Variants in GET1 observed in about 807,000 individuals in gnomAD.
The protein encoded by GET1 is guided entry of tail-anchored proteins factor 1.
Under a neutral mutation model 22.6 loss-of-function variants are expected in GET1, and 20 were observed. The observed-to-expected ratio is 0.89, with a 90% CI of 0.62 to 1.29. The LOEUF (loss-of-function observed/expected upper bound fraction) is 1.29, where lower values mean the gene tolerates loss of function less well. GET1 is among the 50% of genes most tolerant of loss of function. The pLI is 0.00. For synonymous variants in GET1, 92 were observed against 83.8 expected (o/e 1.10, Z -0.53); for missense variants, 209 against 219.9 (o/e 0.95, Z 0.31).
At chr21:39,410,454 T>C, downstream of GET1, 2 of 690,528 alleles carry the variant, frequency 2.9e-6, no homozygotes, top group East Asian at 2.8e-5. Context: ...TTTTATGCAA[T>C]GTAATAATAA....
downstream of GET1, chr21:39,406,693 C>T (rs199499915): frequency 2.4e-5 from 25 of 1,044,908 alleles, no homozygotes; most frequent in Admixed American, 1.9e-4. Flanking sequence ...AGTACACTTA[C>T]GTGCACCGCC....
intron 4 of GET1, among the ~76,000 whole-genome samples, chr21:39,396,233 T>C (rs1420349825): frequency 6.6e-6 from 1 of 152,098 alleles, no homozygotes; most frequent in Non-Finnish European, 1.5e-5. Context: ...GTGTCTGTAC[T>C]AAAAATACAA....
At chr21:39,428,148 T>C in intron 1 of GET1, 1 of 1,429,946 alleles carries the variant, frequency 7.0e-7, no homozygotes, top group Admixed American at 2.1e-5. Flanking sequence ...AATTTGGTCT[T>C]GCTTGGGAAA....
chr21:39,407,239 CAAAACAGAACAGA>C (rs2039225732), downstream of GET1, among the ~76,000 whole-genome samples: 1 of 152,004 alleles, frequency 6.6e-6, no homozygotes, highest in East Asian at 1.9e-4. Flanking sequence ...CAAAACAAAA[CAAAACAGAACAGA>C]AGAACAGAAC....
intron 4 of GET1, among the ~76,000 whole-genome samples, chr21:39,395,536 G>A (rs1419934819): frequency 6.6e-6 from 1 of 152,022 alleles, no homozygotes; most frequent in Admixed American, 6.5e-5. Flanking sequence ...ACTAGTTTTT[G>A]TAGTTTTAGT....
intron 4 of GET1, chr21:39,405,875 ATTATAT>A: frequency 6.5e-7 from 1 of 1,546,662 alleles, no homozygotes; most frequent in Middle Eastern, 1.9e-4. Flanking sequence ...TAGGATATTG[ATTATAT>A]TTAAATAATT....
intron 1 of GET1, among the ~76,000 whole-genome samples, chr21:39,426,354 A>G (rs1241047783): frequency 6.6e-6 from 1 of 152,170 alleles, no homozygotes; most frequent in African/African-American, 2.4e-5. Context: ...TCGAAATGCA[A>G]TTTCTCTCTT....
At chr21:39,420,351 G>A (rs1340190099) in intron 1 of GET1, among the ~76,000 whole-genome samples, 8 of 151,896 alleles carry the variant, frequency 5.3e-5, no homozygotes, top group Non-Finnish European at 1.0e-4. Flanking sequence ...GCAAAAGCCC[G>A]TCTCTACTAA....
intron 1 of GET1, among the ~76,000 whole-genome samples, chr21:39,390,348 G>A (rs2038216381): frequency 1.3e-5 from 2 of 152,168 alleles, no homozygotes; most frequent in African/African-American, 4.8e-5. Flanking sequence ...CAAGAGCTGC[G>A]GCAGTCCCGG....
At chr21:39,419,253 G>A (rs1333142235) in intron 1 of GET1, among the ~76,000 whole-genome samples, 1 of 152,090 alleles carries the variant, frequency 6.6e-6, no homozygotes, top group Non-Finnish European at 1.5e-5. Flanking sequence ...GGCTGGGTGT[G>A]GTGGCTCACA....
intron 1 of GET1, chr21:39,420,861 T>C: frequency 6.3e-7 from 1 of 1,581,406 alleles, no homozygotes; most frequent in East Asian, 2.3e-5. Flanking sequence ...CAGTATATAT[T>C]ATAACTATTC....
rs564115551 is a variant in GET1, at chr21:39,380,767, A to G, written c.102+281A>G. On this transcript the variant is annotated intron_variant, in intron 1 of 4. Coordinates refer to ENST00000649170, the MANE Select transcript of GET1 (RefSeq NM_004627.6). The stretch of plus-strand genomic sequence containing the variant: ...GGCGAACCTCACACTGGGAGTTCCT[A>G]GTGCCCCGCTGTCAGCCTCGTTTCC... The G allele has an allele frequency of 2.1e-5, 24 of 1,139,932 alleles. No homozygotes were observed. The African/African-American group carries it at 3.5e-4, about 17-fold the overall frequency. 70.6% of individuals were successfully genotyped at this position (1,139,932 alleles called of 1,614,324 possible). A position where few individuals can be genotyped will look rare whatever the true frequency, so the allele number is the denominator to read the frequency against.
At chr21:39,381,740 C>A (rs1024084746) in intron 1 of GET1, among the ~76,000 whole-genome samples, 7 of 152,086 alleles carry the variant, frequency 4.6e-5, no homozygotes, top group African/African-American at 1.7e-4. Context: ...TTTGTGCAAC[C>A]ATTATCCCAG....
intron 4 of GET1, among the ~76,000 whole-genome samples, chr21:39,404,587 T>TA (rs2038942691): frequency 6.6e-6 from 1 of 151,760 alleles, no homozygotes. Context: ...TAGTCTCTAA[T>TA]AAAAATAGAA....
At chr21:39,427,859 A>G in intron 1 of GET1, 1 of 177,044 alleles carries the variant, frequency 5.6e-6, no homozygotes, top group Non-Finnish European at 1.2e-5. Context: ...GCAAGAAGCC[A>G]GTGAAATCCA....
intron 3 of GET1, chr21:39,392,895 A>G: frequency 2.6e-6 from 1 of 387,820 alleles, no homozygotes; most frequent in South Asian, 4.6e-5. Flanking sequence ...GTGAAATGCC[A>G]GTTCACATAG....
intron 1 of GET1, chr21:39,387,933 CT>C: frequency 2.5e-6 from 2 of 813,236 alleles, no homozygotes; most frequent in Non-Finnish European, 3.0e-6. Context: ...AACATTTCGT[CT>C]TTATTAATCT....
At chr21:39,417,262 A>T (rs2041368210) in intron 1 of GET1, among the ~76,000 whole-genome samples, 1 of 150,928 alleles carries the variant, frequency 6.6e-6, no homozygotes, top group Non-Finnish European at 1.5e-5. Context: ...CTGGTCTTGA[A>T]CTCCTGACCT....
At chr21:39,389,032 T>G (rs2038117756) in intron 1 of GET1, among the ~76,000 whole-genome samples, 1 of 152,224 alleles carries the variant, frequency 6.6e-6, no homozygotes, top group African/African-American at 2.4e-5. Flanking sequence ...CAAGATTCAT[T>G]CTGCTTCTCT....
Sources: gnomAD v4.1 joint callset for allele counts (sites outside exome capture counted in the v4.1 genomes callset) on GRCh38, gnomAD v4.1.1 for gene constraint, MANE v1.5 for transcripts, NCBI Gene and HGNC (gene_info 2026-07-23, HGNC 2026-07-21) for gene names.